GRHL2: variants seen among roughly 807,000 people sequenced by gnomAD.
The protein encoded by GRHL2 is grainyhead like transcription factor 2.
In GRHL2, 21 loss-of-function variants were observed where a neutral mutation model predicts 83.8. The observed-to-expected ratio is 0.25, with a 90% confidence interval of 0.18 to 0.36. GRHL2 has a LOEUF of 0.36. Among genes scored for constraint, GRHL2 ranks in the 10% least tolerant of loss-of-function variants. GRHL2 has a pLI of 1.00. For synonymous variants in GRHL2, 280 were observed against 278.9 expected (o/e 1.00, Z -0.04); for missense variants, 623 against 781.8 (o/e 0.80, Z 2.42).
chr8:101,633,915 C>A (rs1483352805), intron 11 of GRHL2, among the ~76,000 whole-genome samples: 1 of 152,110 alleles, frequency 6.6e-6, no homozygotes, highest in Non-Finnish European at 1.5e-5. Flanking sequence ...GCAACCTGAC[C>A]TGTTCTGTTG....
chr8:101,541,099 G>A (rs1811143574), intron 1 of GRHL2, among the ~76,000 whole-genome samples: 1 of 151,650 alleles, frequency 6.6e-6, no homozygotes, highest in Non-Finnish European at 1.5e-5. Flanking sequence ...CACTGTTGCT[G>A]CAAAAGACCT....
intron 9 of GRHL2, among the ~76,000 whole-genome samples, chr8:101,629,563 A>G (rs886354146): frequency 4.6e-5 from 7 of 152,134 alleles, no homozygotes; most frequent in African/African-American, 1.7e-4. Flanking sequence ...TAAATAGTAC[A>G]AAATAAAACA....
intron 14 of GRHL2, among the ~76,000 whole-genome samples, chr8:101,649,999 T>G (rs888897995): frequency 1.3e-5 from 2 of 152,230 alleles, no homozygotes; most frequent in Admixed American, 1.3e-4. Flanking sequence ...AAGAAGCTAT[T>G]TTACATTTTG....
At chr8:101,581,270 G>C (rs756751346) in intron 7 of GRHL2, among the ~76,000 whole-genome samples, 22 of 152,196 alleles carry the variant, frequency 1.4e-4, no homozygotes, top group Non-Finnish European at 3.2e-4. Flanking sequence ...GTCGTAAACT[G>C]TTTGGCAGGA....
chr8:101,590,640 G>A (rs555919437), intron 7 of GRHL2, among the ~76,000 whole-genome samples: 37 of 152,220 alleles, frequency 2.4e-4, no homozygotes, highest in African/African-American at 8.2e-4. Flanking sequence ...GAAGAGGGAC[G>A]GAAAATTAAA....
intron 2 of GRHL2, among the ~76,000 whole-genome samples, chr8:101,546,372 T>G (rs550272014): frequency 1.6e-4 from 25 of 152,148 alleles, no homozygotes; most frequent in African/African-American, 5.8e-4. Flanking sequence ...TTTGTGTTAG[T>G]GAGAAAGAGA....
At chr8:101,504,224 C>T (rs1362072454) in intron 1 of GRHL2, among the ~76,000 whole-genome samples, 6 of 152,174 alleles carry the variant, frequency 3.9e-5, no homozygotes, top group Non-Finnish European at 8.8e-5. Context: ...TGGCATGCTG[C>T]CTGTCGGTTC....
rs1230409675 is a variant in GRHL2 at position 101,577,479 on chromosome 8, C to T, written c.963C>T (p.His321=). Residue 321 remains histidine, a synonymous_variant, in exon 7 of 16, where the codon CAC becomes CAT. Coordinates refer to ENST00000646743, the MANE Select transcript of GRHL2 (RefSeq NM_024915.4). ...AGCTCAAATACTGGAAATACTGGCACTCTCGGCAGCATACGGCGAAGCAGA... is the reference window on the plus strand; with the variant it reads ...AGCTCAAATACTGGAAATACTGGCATTCTCGGCAGCATACGGCGAAGCAGA... The part of the protein sequence containing the change: ...DEQLKYWKYW[H]SRQHTAKQRV... 1.2e-6 allele frequency: 2 copies of T among 1,613,938 alleles called. No individual in the cohort carries two copies. The highest frequency in any genetic ancestry group is 2.2e-5 in the South Asian group (2 of 91,060).
chr8:101,537,840 G>A (rs1811077313), intron 1 of GRHL2, among the ~76,000 whole-genome samples: 1 of 152,212 alleles, frequency 6.6e-6, no homozygotes, highest in Admixed American at 6.5e-5. Context: ...AAATGGATAT[G>A]AGAAGTTGAT....
intron 1 of GRHL2, chr8:101,542,891 G>A (rs1224245798): frequency 2.2e-6 from 1 of 460,158 alleles, no homozygotes; most frequent in Non-Finnish European, 4.3e-6. Context: ...ATCCATTCAT[G>A]ACCTAAACAC....
chr8:101,622,114 A>G (rs1308139161), intron 9 of GRHL2, among the ~76,000 whole-genome samples: 1 of 152,212 alleles, frequency 6.6e-6, no homozygotes, highest in Non-Finnish European at 1.5e-5. Context: ...AAAAAAGAAA[A>G]TAATATTCTT....
At chr8:101,675,875 G>C in the GRHL2 span, among the ~76,000 whole-genome samples, 1 of 152,108 alleles carries the variant, frequency 6.6e-6, no homozygotes, top group Non-Finnish European at 1.5e-5. Flanking sequence ...TAGATCAATG[G>C]AACAGAACAG....
At chr8:101,588,097 T>G (rs1050557533) in intron 7 of GRHL2, among the ~76,000 whole-genome samples, 4 of 148,846 alleles carry the variant, frequency 2.7e-5, no homozygotes, top group African/African-American at 9.7e-5. Context: ...TGGAAAGACA[T>G]GTGTTGAAAT....
chr8:101,641,308 TG>T (rs1813396060), intron 12 of GRHL2, among the ~76,000 whole-genome samples: 1 of 152,154 alleles, frequency 6.6e-6, no homozygotes, highest in South Asian at 2.1e-4. Flanking sequence ...ACCTGTTTTC[TG>T]AGGATAACAT....
intron 1 of GRHL2, among the ~76,000 whole-genome samples, chr8:101,539,821 G>A (rs1167916984): frequency 6.6e-6 from 1 of 152,026 alleles, no homozygotes; most frequent in Non-Finnish European, 1.5e-5. Context: ...AGAAATGTTG[G>A]CCCCTTATTT....
chr8:101,524,081 A>T (rs947690864), intron 1 of GRHL2, among the ~76,000 whole-genome samples: 1 of 152,192 alleles, frequency 6.6e-6, no homozygotes, highest in African/African-American at 2.4e-5. Flanking sequence ...GCACTGAAAA[A>T]TCACTGTTTT....
chr8:101,516,814 T>G (rs1013613926), intron 1 of GRHL2, among the ~76,000 whole-genome samples: 1 of 152,234 alleles, frequency 6.6e-6, no homozygotes, highest in Non-Finnish European at 1.5e-5. Flanking sequence ...GATAAAGGTT[T>G]GGCTCTGCCA....
chr8:101,508,409 C>T (rs1323105920), intron 1 of GRHL2, among the ~76,000 whole-genome samples: 1 of 138,644 alleles, frequency 7.2e-6, no homozygotes, highest in Non-Finnish European at 1.5e-5. Flanking sequence ...TTTTTCATCA[C>T]GGGAGAGCTT....
At chr8:101,566,007 C>A (rs1382983640) in intron 4 of GRHL2, among the ~76,000 whole-genome samples, 3 of 152,152 alleles carry the variant, frequency 2.0e-5, no homozygotes, top group African/African-American at 4.8e-5. Flanking sequence ...TAAACCCTAT[C>A]CAACTTAATT....
Sources: allele counts gnomAD v4.1 joint callset (sites outside exome capture counted in the v4.1 genomes callset), GRCh38; gene constraint gnomAD v4.1.1; transcripts MANE v1.5; gene names NCBI Gene and HGNC (gene_info 2026-07-23, HGNC 2026-07-21).